AFF3: variants seen among roughly 807,000 people sequenced by gnomAD.
AFF3 encodes AF4/FMR2 family member 3.
AFF3 carries 32 observed loss-of-function variants against 129.7 expected under a neutral mutation model. The observed-to-expected ratio is 0.25, with a 90% CI of 0.19 to 0.33. The LOEUF (loss-of-function observed/expected upper bound fraction) is 0.33. Ranked by LOEUF, AFF3 falls within the 10% of genes least tolerant of loss-of-function variation. AFF3 has a pLI of 1.00. For synonymous variants in AFF3, 644 were observed against 635.4 expected (o/e 1.01, Z -0.20); for missense variants, 1,373 against 1,592.0 (o/e 0.86, Z 2.34).
At chr2:99,871,100 C>A (rs1422422532) in intron 7 of AFF3, among the ~76,000 whole-genome samples, 1 of 152,128 alleles carries the variant, frequency 6.6e-6, no homozygotes. Context: ...TTGTTTTGTG[C>A]ACAAAACTAC....
At chr2:100,099,632 G>A (rs1434101812) in intron 4 of AFF3, among the ~76,000 whole-genome samples, 1 of 152,040 alleles carries the variant, frequency 6.6e-6, no homozygotes, top group Non-Finnish European at 1.5e-5. Context: ...TCAACAGGAT[G>A]TGCCCATGCC....
chr2:99,605,093 G>A (rs573462474), intron 13 of AFF3, among the ~76,000 whole-genome samples: 5 of 152,312 alleles, frequency 3.3e-5, no homozygotes, highest in African/African-American at 4.8e-5. Context: ...TAATGGCTGC[G>A]GTCCTGAAGT....
chr2:99,688,211 T>A (rs1424516424), intron 11 of AFF3, among the ~76,000 whole-genome samples: 1 of 152,140 alleles, frequency 6.6e-6, no homozygotes, highest in Non-Finnish European at 1.5e-5. Context: ...CCAATACTAG[T>A]CAACTGTTCC....
chr2:100,047,832 A>C (rs1299234973), intron 4 of AFF3, among the ~76,000 whole-genome samples: 4 of 152,216 alleles, frequency 2.6e-5, no homozygotes, highest in African/African-American at 9.6e-5. Context: ...CATAAAAGAA[A>C]GCCTTTAAGA....
At chr2:100,038,373 TAA>T (rs11397703) in intron 4 of AFF3, among the ~76,000 whole-genome samples, 1 of 143,250 alleles carries the variant, frequency 7.0e-6, no homozygotes, top group Non-Finnish European at 1.5e-5. Flanking sequence ...TTCCTCAAAT[TAA>T]AAAAAAAAAA....
At chr2:99,778,895 C>T (rs11123797) in intron 8 of AFF3, among the ~76,000 whole-genome samples, 2,412 of 136,924 alleles carry the variant, frequency 0.018, 16 homozygotes, top group Admixed American at 0.039. Flanking sequence ...TGTGTGTGTG[C>T]GCGTGTGTGT....
At chr2:99,881,489 C>T (rs1361688813) in intron 7 of AFF3, among the ~76,000 whole-genome samples, 1 of 151,236 alleles carries the variant, frequency 6.6e-6, no homozygotes, top group African/African-American at 2.4e-5. Flanking sequence ...TGAAAAAAAG[C>T]CCTCAGTACT....
chr2:99,591,827 GTAA>G (rs1678711403), intron 15 of AFF3, among the ~76,000 whole-genome samples: 2 of 152,232 alleles, frequency 1.3e-5, no homozygotes, highest in Non-Finnish European at 2.9e-5. Flanking sequence ...TAGGACCTAT[GTAA>G]CCTTGGGCAA....
At chr2:99,838,089 C>T (rs1002674881) in intron 7 of AFF3, among the ~76,000 whole-genome samples, 1 of 152,194 alleles carries the variant, frequency 6.6e-6, no homozygotes, top group South Asian at 2.1e-4. Context: ...GCTCAAGTCA[C>T]TTGTTCTGTC....
chr2:99,819,601 G>A (rs987135564), intron 8 of AFF3, among the ~76,000 whole-genome samples: 8 of 152,174 alleles, frequency 5.3e-5, no homozygotes, highest in East Asian at 1.9e-4. Context: ...TAAGATGTGC[G>A]TATTCACAAA....
chr2:99,889,362 T>A (rs1467336575), intron 7 of AFF3, among the ~76,000 whole-genome samples: 1 of 152,216 alleles, frequency 6.6e-6, no homozygotes, highest in Admixed American at 6.5e-5. Flanking sequence ...TCAATCCAAG[T>A]CCTTTTAAGG....
intron 13 of AFF3, among the ~76,000 whole-genome samples, chr2:99,628,553 C>T (rs1006720735): frequency 6.9e-6 from 1 of 145,858 alleles, no homozygotes; most frequent in Admixed American, 6.9e-5. Flanking sequence ...CCCTTTCTTT[C>T]TTTTTTTTTT....
chr2:99,847,845 C>A (rs1689850193), intron 7 of AFF3, among the ~76,000 whole-genome samples: 1 of 152,114 alleles, frequency 6.6e-6, no homozygotes, highest in Admixed American at 6.5e-5. Flanking sequence ...GCTTTCTATC[C>A]TCATTCTAAA....
chr2:99,762,365 T>C (rs948304245), intron 8 of AFF3, among the ~76,000 whole-genome samples: 1 of 152,128 alleles, frequency 6.6e-6, no homozygotes, highest in African/African-American at 2.4e-5. Context: ...CCTCAGGCGA[T>C]CCACCTGCCT....
At chr2:100,083,057 T>A (rs1259689716) in intron 4 of AFF3, among the ~76,000 whole-genome samples, 2 of 151,992 alleles carry the variant, frequency 1.3e-5, no homozygotes, top group East Asian at 3.9e-4. Context: ...GCCACTGTAC[T>A]CCAGCCTGGG....
chr2:99,688,814 TC>T (rs2104631874), intron 11 of AFF3, among the ~76,000 whole-genome samples: 1 of 152,246 alleles, frequency 6.6e-6, no homozygotes, highest in African/African-American at 2.4e-5. Context: ...TCCTGGAGGC[TC>T]GAGCTCATAT....
At chr2:100,135,275 G>A (rs969542209) in intron 1 of AFF3, among the ~76,000 whole-genome samples, 10 of 152,180 alleles carry the variant, frequency 6.6e-5, no homozygotes, top group African/African-American at 2.4e-4. Context: ...ACATTGTCAC[G>A]CCTCCCTCAG....
At chr2:99,658,374 T>C (rs1057334193) in intron 12 of AFF3, among the ~76,000 whole-genome samples, 2 of 151,942 alleles carry the variant, frequency 1.3e-5, no homozygotes, top group Admixed American at 1.3e-4. Flanking sequence ...AAGAAGACCA[T>C]GACCATGTGT....
intron 12 of AFF3, among the ~76,000 whole-genome samples, chr2:99,656,044 G>A (rs1486461656): frequency 6.6e-6 from 1 of 152,156 alleles, no homozygotes; most frequent in Non-Finnish European, 1.5e-5. Flanking sequence ...GATTAAACTG[G>A]GGGCATAAGA....
Sources: gnomAD v4.1 joint callset for allele counts (sites outside exome capture counted in the v4.1 genomes callset) on GRCh38, gnomAD v4.1.1 for gene constraint, MANE v1.5 for transcripts, NCBI Gene and HGNC (gene_info 2026-07-23, HGNC 2026-07-21) for gene names.